CNOT6L: variants seen among roughly 807,000 people sequenced by gnomAD.
The protein encoded by CNOT6L is CCR4-NOT transcription complex subunit 6-like.
Under a neutral mutation model 64.0 loss-of-function variants are expected in CNOT6L, and 7 were observed. The observed-to-expected ratio is 0.11, with a 90% CI of 0.06 to 0.21. The LOEUF is 0.21. Among genes scored for constraint, CNOT6L ranks in the 10% least tolerant of loss-of-function variants. The pLI is 1.00. For missense variants in CNOT6L, 245 were observed against 669.0 expected (o/e 0.37, Z 6.99); for synonymous variants, 193 against 243.4 (o/e 0.79, Z 1.93).
rs533275290 is a variant in CNOT6L at position 77,721,820 on chromosome 4, A to G, written c.1456-1177T>C. 1.1e-4 allele frequency among the ~76,000 whole-genome samples: 16 copies of G among 152,158 alleles called. 1 individual carries two copies. The South Asian group carries it at 3.3e-3, about 32-fold the overall frequency. On this transcript the variant is annotated intron_variant, in intron 11 of 11. Coordinates refer to ENST00000504123, the MANE Select transcript of CNOT6L (RefSeq NM_144571.3). Reference sequence around the variant, plus strand: ...ACCCAGGATTTTACGAAAAATTTAAACATTAGCCAGGTGTAGCAGCAGGCA... The same window carrying G: ...ACCCAGGATTTTACGAAAAATTTAAGCATTAGCCAGGTGTAGCAGCAGGCA...
At chr4:77,734,737 A>G (rs1375352422) in intron 8 of CNOT6L, among the ~76,000 whole-genome samples, 2 of 142,756 alleles carry the variant, frequency 1.4e-5, no homozygotes, top group Admixed American at 6.7e-5. Flanking sequence ...TTTTTTACAG[A>G]TATGTAAGAT....
intron 1 of CNOT6L, among the ~76,000 whole-genome samples, chr4:77,788,071 T>C (rs1729653074): frequency 2.0e-5 from 3 of 152,280 alleles, no homozygotes; most frequent in East Asian, 3.9e-4. Context: ...CCAATATTAG[T>C]GGGAAATCTA....
Position 77,720,430 on chromosome 4 carries a change from A to C in CNOT6L, c.*1T>G. ...CCCCGTCTTGGCGGGGCAGTACTCC[A>C]CTACCTCCGATTAGGCAAGTGAACA... On this transcript the variant is annotated 3_prime_UTR_variant, in exon 12 of 12. Transcript: ENST00000504123. 1 of 1,613,446 alleles carries C rather than the reference A, an allele frequency of 6.2e-7. No homozygotes were observed. Among genetic ancestry groups the C allele is most frequent in the African/African-American group, 1.3e-5 (1 of 75,018 alleles).
At chr4:77,817,238 T>C (rs1204337377) in intron 1 of CNOT6L, among the ~76,000 whole-genome samples, 1 of 152,166 alleles carries the variant, frequency 6.6e-6, no homozygotes, top group Non-Finnish European at 1.5e-5. Context: ...AAATTAAGTA[T>C]GACTATTTTT....
chr4:77,736,248 T>C (rs992459533), intron 8 of CNOT6L, among the ~76,000 whole-genome samples: 4 of 152,040 alleles, frequency 2.6e-5, no homozygotes, highest in Admixed American at 2.6e-4. Flanking sequence ...AAAGAGAGAG[T>C]TGAAAACTAG....
chr4:77,755,967 CTTTTTT>C (rs1266903617), intron 5 of CNOT6L, among the ~76,000 whole-genome samples: 1 of 151,204 alleles, frequency 6.6e-6, no homozygotes, highest in Admixed American at 6.6e-5. Context: ...TAATAGTCTT[CTTTTTT>C]TGTTTTTGTT....
intron 1 of CNOT6L, among the ~76,000 whole-genome samples, chr4:77,798,252 G>A (rs1731101773): frequency 6.6e-6 from 1 of 152,124 alleles, no homozygotes; most frequent in African/African-American, 2.4e-5. Flanking sequence ...AGGCTGCAGT[G>A]AGCTATGATC....
rs6847574 is a variant in CNOT6L, at chr4:77,723,789, T to C, written c.1455+2378A>G. ...ATTTCTAGTTCTTTAGCCATACTTATTTGAACAATGTAAATGGCTCAATAG... is the reference window on the plus strand; with the variant it reads ...ATTTCTAGTTCTTTAGCCATACTTACTTGAACAATGTAAATGGCTCAATAG... On this transcript the variant is annotated intron_variant, in intron 11 of 11. Coordinates refer to ENST00000504123, the MANE Select transcript of CNOT6L (RefSeq NM_144571.3). Among the ~76,000 whole-genome samples, 758 of 152,314 alleles carry C rather than the reference T, an allele frequency of 5.0e-3. 5 individuals carry two copies. Among genetic ancestry groups the C allele is most frequent in the African/African-American group, 0.017 (690 of 41,562 alleles).
rs777177292 is a variant in CNOT6L at position 77,726,070 on chromosome 4, TGAA to T, written c.1455+94_1455+96del. 1.2e-5 allele frequency: 14 copies of T among 1,123,504 alleles called. No individual in the cohort carries two copies. The East Asian group carries it at 3.3e-4, about 27-fold the overall frequency. The allele number at this position is 1,123,504 out of a possible 1,614,324, so 69.6% of individuals were successfully genotyped here. A position where few individuals can be genotyped will look rare whatever the true frequency, so the allele number is the denominator to read the frequency against. The stretch of plus-strand genomic sequence containing the variant: ...GACATTTTAAGAATCTAAAAATTCC[TGAA>T]GATTATACAATTAATCATAAAGAAT... On this transcript the variant is annotated intron_variant, in intron 11 of 11. Coordinates refer to ENST00000504123, the MANE Select transcript of CNOT6L (RefSeq NM_144571.3).
chr4:77,798,821 T>TAAA (rs34937110), intron 1 of CNOT6L, among the ~76,000 whole-genome samples: 1 of 145,524 alleles, frequency 6.9e-6, no homozygotes. Flanking sequence ...CCATTTCAAT[T>TAAA]AAAAAAAAAA....
intron 1 of CNOT6L, among the ~76,000 whole-genome samples, chr4:77,808,804 T>A (rs1732562271): frequency 6.6e-6 from 1 of 152,226 alleles, no homozygotes; most frequent in Admixed American, 6.5e-5. Context: ...GTACTCTGTA[T>A]GTCATAGCAC....
At chr4:77,749,231 A>G (rs1247795521) in intron 5 of CNOT6L, among the ~76,000 whole-genome samples, 1 of 152,192 alleles carries the variant, frequency 6.6e-6, no homozygotes, top group African/African-American at 2.4e-5. Flanking sequence ...ACTCTGTTTT[A>G]GCAGCCATAC....
At chr4:77,773,032 G>T in intron 4 of CNOT6L, 49 bp downstream of exon 4, 1 of 1,210,398 alleles carries the variant, frequency 8.3e-7, no homozygotes, top group Non-Finnish European at 1.2e-6. Context: ...AGGCCAAAAT[G>T]CTCTTTAAAA....
intron 1 of CNOT6L, among the ~76,000 whole-genome samples, chr4:77,807,956 TCTC>T (rs2110167360): frequency 6.6e-6 from 1 of 152,148 alleles, no homozygotes; most frequent in Non-Finnish European, 1.5e-5. Context: ...TTCACGTAAA[TCTC>T]CTTGCATAGG....
chr4:77,819,415 C>T, upstream of CNOT6L: 1 of 1,600,826 alleles, frequency 6.2e-7, no homozygotes, highest in Non-Finnish European at 8.5e-7. Flanking sequence ...GATGCTTCCC[C>T]TCCAGAGCCG....
intron 11 of CNOT6L, among the ~76,000 whole-genome samples, chr4:77,721,872 T>TGA (rs1008576744): frequency 6.6e-6 from 1 of 152,034 alleles, no homozygotes. Context: ...CTCGGAAGGC[T>TGA]GAGGCAGGAG....
At chr4:77,735,757 G>A (rs1039513826) in intron 8 of CNOT6L, among the ~76,000 whole-genome samples, 3 of 152,086 alleles carry the variant, frequency 2.0e-5, no homozygotes, top group South Asian at 2.1e-4. Context: ...AGTCTGCAGC[G>A]GGTCCATTCC....
intron 1 of CNOT6L, among the ~76,000 whole-genome samples, chr4:77,784,542 G>A (rs1377514601): frequency 2.7e-5 from 4 of 148,082 alleles, no homozygotes; most frequent in Admixed American, 2.1e-4. Flanking sequence ...TTATCACCCA[G>A]GCTGGAGTGC....
At chr4:77,778,710 G>A (rs953770351) in intron 1 of CNOT6L, among the ~76,000 whole-genome samples, 3 of 151,450 alleles carry the variant, frequency 2.0e-5, no homozygotes, top group South Asian at 2.1e-4. Flanking sequence ...GATTACAGGC[G>A]TGAGCCACGG....
Sources: allele counts gnomAD v4.1 joint callset (sites outside exome capture counted in the v4.1 genomes callset), GRCh38; gene constraint gnomAD v4.1.1; transcripts MANE v1.5; gene names NCBI Gene and HGNC (gene_info 2026-07-23, HGNC 2026-07-21).